Variants in DNAH3 observed in about 807,000 individuals in gnomAD.
DNAH3 encodes axonemal beta dynein heavy chain 3.
Under a neutral mutation model 432.5 loss-of-function variants are expected in DNAH3, and 332 were observed. The ratio of observed to expected loss-of-function variants is 0.77; its 90% CI spans 0.70 to 0.84. The LOEUF is 0.84. Among genes scored for constraint, DNAH3 ranks in the 40% least tolerant of loss-of-function variants. DNAH3 has a pLI of 0.00. For synonymous variants in DNAH3, 1,956 were observed against 1,900.2 expected, an observed-to-expected ratio of 1.03 and a Z score of -0.76; for missense variants, 4,861 against 5,114.0, an observed-to-expected ratio of 0.95 and a Z score of 1.51.
Position 21,075,565 on chromosome 16 carries a change from A to G in DNAH3, c.2970-4T>C. On this transcript the variant is annotated splice_region_variant and splice_polypyrimidine_tract_variant and intron_variant, in intron 20 of 61. Coordinates refer to ENST00000261383, the Ensembl canonical transcript of DNAH3. ...AGCTGCACCAATGGGCTCCAATCTA[A>G]AGAGAGAACACAGCAACAGCAACAT... is the stretch of plus-strand genomic sequence containing the variant. 1.2e-6 allele frequency: 2 copies of G among 1,607,116 alleles called. No homozygotes were observed. Among genetic ancestry groups the G allele is most frequent in the Non-Finnish European group, 1.7e-6 (2 of 1,173,764 alleles).
Position 20,945,354 on chromosome 16 carries a change from T to A in DNAH3, c.11344-691A>T, listed in dbSNP as rs537768292. The stretch of plus-strand genomic sequence containing the variant: ...GGGGAGGAACCCTCACTTCTTGGAA[T>A]TGCCCACCCCTTTCCCGGAAAACTC... On this transcript the variant is annotated intron_variant, in intron 57 of 61. Transcript: ENST00000261383. Among the ~76,000 whole-genome samples, 278 of 152,186 alleles carry A rather than the reference T, an allele frequency of 1.8e-3. 5 individuals are homozygous for A. Among genetic ancestry groups the A allele is most frequent in the Non-Finnish European group, 2.4e-3 (162 of 68,038 alleles).
At chr16:20,951,120 C>A (rs542222641) in intron 56 of DNAH3, among the ~76,000 whole-genome samples, 1 of 152,008 alleles carries the variant, frequency 6.6e-6, no homozygotes, top group African/African-American at 2.4e-5. Flanking sequence ...AGCCTATGAT[C>A]AAGTTTTACA....
chr16:21,130,387 C>G (rs940810321), intron 7 of DNAH3, among the ~76,000 whole-genome samples: 1 of 151,426 alleles, frequency 6.6e-6, no homozygotes, highest in African/African-American at 2.4e-5. Flanking sequence ...TCACTGCAGC[C>G]TCAGCTTCTG....
exon 27 of DNAH3, chr16:21,058,096 T>C: frequency 1.3e-6 from 2 of 1,599,626 alleles, no homozygotes; most frequent in Non-Finnish European, 1.7e-6. Flanking sequence ...CAGTAAGGTA[T>C]TTTCCGCCAG....
Position 20,938,149 on chromosome 16 carries a change from T to A in DNAH3, c.11655-1296A>T, listed in dbSNP as rs568021335. ...GCTCACGCCTGTAATCCCAGCACTT[T>A]GAAAGGCAGAGGTGGGTGGATCACT... is the stretch of plus-strand genomic sequence containing the variant. On this transcript the variant is annotated intron_variant, in intron 59 of 61. Transcript: ENST00000261383. 1.2e-4 allele frequency among the ~76,000 whole-genome samples: 19 copies of A among 152,274 alleles called. No individual in the cohort carries two copies. The South Asian group carries it at 3.7e-3, about 30-fold the overall frequency.
intron 49 of DNAH3, among the ~76,000 whole-genome samples, chr16:20,980,729 G>A (rs1227425918): frequency 6.6e-6 from 1 of 152,086 alleles, no homozygotes; most frequent in Non-Finnish European, 1.5e-5. Flanking sequence ...AATTACCATG[G>A]AAACCAATTA....
intron 18 of DNAH3, among the ~76,000 whole-genome samples, chr16:21,089,124 C>T (rs1220713912): frequency 6.6e-6 from 1 of 152,202 alleles, no homozygotes; most frequent in African/African-American, 2.4e-5. Flanking sequence ...GATTTCTGGG[C>T]CCCATTCCCA....
intron 41 of DNAH3, among the ~76,000 whole-genome samples, chr16:21,005,170 T>C (rs1395150744): frequency 2.9e-5 from 3 of 102,346 alleles, no homozygotes; most frequent in Non-Finnish European, 6.0e-5. Context: ...TCTTTCTTTC[T>C]TTTTCTTTTT....
chr16:20,954,959 T>C, exon 55 of DNAH3: 1 of 1,614,204 alleles, frequency 6.2e-7, no homozygotes, highest in Non-Finnish European at 8.5e-7. Flanking sequence ...GCGCAACAGG[T>C]TGGCCCGGAG....
At chr16:20,945,276 C>G (rs530973527) in intron 57 of DNAH3, among the ~76,000 whole-genome samples, 8 of 152,302 alleles carry the variant, frequency 5.3e-5, no homozygotes, top group African/African-American at 1.9e-4. Flanking sequence ...AGCGCCATGA[C>G]TGTTTACAGA....
chr16:20,972,217 TCTC>T (rs926101463), intron 51 of DNAH3, among the ~76,000 whole-genome samples: 6 of 150,892 alleles, frequency 4.0e-5, no homozygotes, highest in African/African-American at 1.2e-4. Flanking sequence ...TTACTTGAAA[TCTC>T]CTGATTTTTT....
chr16:21,062,449 A>G (rs1175757238), intron 25 of DNAH3, 33 bp downstream of exon 25: 3 of 1,593,336 alleles, frequency 1.9e-6, no homozygotes, highest in Non-Finnish European at 2.6e-6. Context: ...TCTGTTATGG[A>G]GAAAAGAACC....
At chr16:20,989,035 G>A (rs1020863386) in intron 44 of DNAH3, among the ~76,000 whole-genome samples, 1 of 152,204 alleles carries the variant, frequency 6.6e-6, no homozygotes, top group Non-Finnish European at 1.5e-5. Flanking sequence ...TGGACCCACA[G>A]AGTGAGCACC....
chr16:21,002,750 T>C (rs1402119138), intron 42 of DNAH3, among the ~76,000 whole-genome samples: 1 of 152,086 alleles, frequency 6.6e-6, no homozygotes, highest in African/African-American at 2.4e-5. Flanking sequence ...TGTGAGCCAC[T>C]GCGCCTGGCC....
chr16:21,070,275 T>C (rs1405082712), intron 22 of DNAH3, among the ~76,000 whole-genome samples: 1 of 152,188 alleles, frequency 6.6e-6, no homozygotes, highest in Non-Finnish European at 1.5e-5. Flanking sequence ...GTGTCATTAA[T>C]TAATTAATTA....
At chr16:20,970,221 C>T (rs974765567) in intron 51 of DNAH3, among the ~76,000 whole-genome samples, 2 of 152,150 alleles carry the variant, frequency 1.3e-5, no homozygotes, top group Admixed American at 6.6e-5. Flanking sequence ...AACATCTGAG[C>T]ATTCAACTTA....
chr16:20,934,233 G>C (rs1012082994), intron 61 of DNAH3, among the ~76,000 whole-genome samples: 1 of 152,134 alleles, frequency 6.6e-6, no homozygotes, highest in Admixed American at 6.5e-5. Context: ...CTAATTCTAA[G>C]TATATATTGG....
chr16:21,048,374 C>T (rs2089805507), intron 31 of DNAH3, among the ~76,000 whole-genome samples: 1 of 152,234 alleles, frequency 6.6e-6, no homozygotes, highest in Admixed American at 6.5e-5. Flanking sequence ...GATATAATCT[C>T]GTGGTGCCCC....
intron 42 of DNAH3, among the ~76,000 whole-genome samples, chr16:21,002,395 C>T (rs949022241): frequency 1.3e-5 from 2 of 151,940 alleles, no homozygotes; most frequent in Admixed American, 6.6e-5. Context: ...TTCAAAGAAT[C>T]CTTTTTTGCT....
Sources: gnomAD v4.1 joint callset for allele counts (sites outside exome capture counted in the v4.1 genomes callset) on GRCh38, gnomAD v4.1.1 for gene constraint, MANE v1.5 for transcripts, NCBI Gene and HGNC (gene_info 2026-07-23, HGNC 2026-07-21) for gene names.